CORO2B: variants seen among roughly 807,000 people sequenced by gnomAD.
CORO2B encodes the protein coronin-2B.
A neutral mutation model predicts 58.8 loss-of-function variants in CORO2B; 26 were observed. That is an observed-to-expected ratio of 0.44 (90% CI 0.32 to 0.61). The LOEUF (loss-of-function observed/expected upper bound fraction) is 0.61, where lower values mean the gene tolerates loss of function less well. CORO2B is among the 20% of genes least tolerant of loss of function. CORO2B has a pLI of 0.04. For missense variants in CORO2B, 460 were observed against 645.1 expected, an observed-to-expected ratio of 0.71 and a Z score of 3.11; for synonymous variants, 242 against 253.8, an observed-to-expected ratio of 0.95 and a Z score of 0.44.
chr15:68,578,638 C>G (rs1899334012), upstream of CORO2B, among the ~76,000 whole-genome samples: 1 of 152,018 alleles, frequency 6.6e-6, no homozygotes, highest in South Asian at 2.1e-4. This position sits in a 1 kb window ranked among gnomAD's most constrained non-coding sequence, Gnocchi z 4.2. Flanking sequence ...CTTCTTTGCC[C>G]GCGCAGCGCC....
intron 1 of CORO2B, among the ~76,000 whole-genome samples, chr15:68,644,175 G>T (rs1415300875): frequency 6.6e-6 from 1 of 152,218 alleles, no homozygotes; most frequent in African/African-American, 2.4e-5. Flanking sequence ...CTCATGCAAA[G>T]TCCGCTATGG....
At chr15:68,528,421 T>C in the CORO2B span, among the ~76,000 whole-genome samples, 3 of 152,310 alleles carry the variant, frequency 2.0e-5, no homozygotes, top group East Asian at 5.8e-4. Flanking sequence ...TCCTTCATTC[T>C]ATTAATGTGG....
chr15:68,571,364 C>T, the CORO2B span, among the ~76,000 whole-genome samples: 1 of 152,100 alleles, frequency 6.6e-6, no homozygotes, highest in Non-Finnish European at 1.5e-5. Context: ...CCCTAAGAGC[C>T]ATGGCATTGT....
intron 1 of CORO2B, among the ~76,000 whole-genome samples, chr15:68,623,838 C>T (rs921989401): frequency 3.3e-5 from 5 of 152,140 alleles, no homozygotes; most frequent in Admixed American, 6.5e-5. Context: ...AGCCCCAGCC[C>T]CTCCATTGTC....
intron 1 of CORO2B, among the ~76,000 whole-genome samples, chr15:68,628,503 T>G (rs1376691083): frequency 6.6e-6 from 1 of 152,244 alleles, no homozygotes; most frequent in Non-Finnish European, 1.5e-5. Flanking sequence ...CATTAAAATA[T>G]GTAACATATC....
At chr15:68,612,245 A>G (rs1218828409) in intron 1 of CORO2B, among the ~76,000 whole-genome samples, 1 of 152,266 alleles carries the variant, frequency 6.6e-6, no homozygotes, top group Non-Finnish European at 1.5e-5. Context: ...AAATATGTGA[A>G]TATGGAAGGA....
the CORO2B span, among the ~76,000 whole-genome samples, chr15:68,520,812 G>A: frequency 2.0e-5 from 3 of 152,178 alleles, no homozygotes; most frequent in Admixed American, 1.3e-4. Context: ...TTGGGAGGCC[G>A]AGGCGGGTGG....
chr15:68,561,293 C>T, the CORO2B span, among the ~76,000 whole-genome samples: 1 of 152,150 alleles, frequency 6.6e-6, no homozygotes, highest in Non-Finnish European at 1.5e-5. Context: ...TCCTCCCAGG[C>T]ACGGTGATGC....
chr15:68,590,361 C>A (rs761056899), intron 1 of CORO2B, among the ~76,000 whole-genome samples: 2 of 152,288 alleles, frequency 1.3e-5, no homozygotes. Context: ...AGGCTGCCCC[C>A]CCATGCCCAG....
intron 1 of CORO2B, among the ~76,000 whole-genome samples, chr15:68,631,774 C>T (rs1900837779): frequency 6.6e-6 from 1 of 152,164 alleles, no homozygotes; most frequent in African/African-American, 2.4e-5. Context: ...GTCAGAGACC[C>T]CGTGGGGCCA....
At chr15:68,664,627 A>T (rs1902128521) in intron 2 of CORO2B, among the ~76,000 whole-genome samples, 1 of 152,114 alleles carries the variant, frequency 6.6e-6, no homozygotes, top group African/African-American at 2.4e-5. Context: ...AGCCTGAGGG[A>T]CAGAGCGAGA....
intron 2 of CORO2B, among the ~76,000 whole-genome samples, chr15:68,655,459 G>A (rs1901774711): frequency 1.3e-5 from 2 of 152,172 alleles, no homozygotes; most frequent in Non-Finnish European, 2.9e-5. Context: ...GGGACCCCAG[G>A]GATCATAGAT....
chr15:68,518,798 C>T, the CORO2B span, among the ~76,000 whole-genome samples: 4 of 152,218 alleles, frequency 2.6e-5, no homozygotes, highest in Middle Eastern at 3.4e-3. Flanking sequence ...GGGTCCTTTT[C>T]TTGACAGCCA....
At chr15:68,567,431 C>T in the CORO2B span, among the ~76,000 whole-genome samples, 2 of 152,164 alleles carry the variant, frequency 1.3e-5, no homozygotes, top group Admixed American at 1.3e-4. Context: ...CCAGGAGATA[C>T]ATGGAGATGT....
chr15:68,655,233 A>G (rs1901768726), intron 2 of CORO2B, among the ~76,000 whole-genome samples: 1 of 152,236 alleles, frequency 6.6e-6, no homozygotes, highest in Non-Finnish European at 1.5e-5. Flanking sequence ...TTATTAAAAG[A>G]TCCAGGTTGG....
intron 3 of CORO2B, among the ~76,000 whole-genome samples, chr15:68,708,275 C>T (rs1346995978): frequency 1.3e-5 from 2 of 151,986 alleles, no homozygotes; most frequent in Non-Finnish European, 2.9e-5. Flanking sequence ...GAAAATTTGT[C>T]CAAGGAATTC....
intron 2 of CORO2B, among the ~76,000 whole-genome samples, chr15:68,685,840 A>C (rs1194853449): frequency 1.3e-5 from 2 of 152,214 alleles, no homozygotes; most frequent in Non-Finnish European, 2.9e-5. Flanking sequence ...GGGATTACTT[A>C]AACTCCCAGG....
At chr15:68,671,012 A>G (rs1902374640) in intron 2 of CORO2B, among the ~76,000 whole-genome samples, 1 of 152,248 alleles carries the variant, frequency 6.6e-6, no homozygotes, top group African/African-American at 2.4e-5. Context: ...TGTTTGCCTC[A>G]GCCTTTTTAG....
upstream of CORO2B, among the ~76,000 whole-genome samples, chr15:68,574,998 C>T (rs1443669475): frequency 6.6e-6 from 1 of 152,174 alleles, no homozygotes; most frequent in Admixed American, 6.5e-5. Context: ...GTACCGTATC[C>T]CCTCAGGCTA....
Sources: allele counts gnomAD v4.1 joint callset (sites outside exome capture counted in the v4.1 genomes callset), GRCh38; gene constraint gnomAD v4.1.1; non-coding constraint Gnocchi (gnomAD v3.1); transcripts MANE v1.5; gene names NCBI Gene and HGNC (gene_info 2026-07-23, HGNC 2026-07-21).